GPT: variants seen among roughly 807,000 people sequenced by gnomAD.
The protein encoded by GPT is alanine aminotransferase 1.
In GPT, 60 loss-of-function variants were observed where a neutral mutation model predicts 51.4. That is an observed-to-expected ratio of 1.17 (90% CI 0.95 to 1.45). The LOEUF is 1.45. Among genes scored for constraint, GPT ranks in the 40% most tolerant of loss-of-function variants. The pLI is 0.00. For missense variants in GPT, 853 were observed against 704.0 expected (o/e 1.21, Z -2.40); for synonymous variants, 397 against 303.1 (o/e 1.31, Z -3.22).
At position 144,506,016 on chromosome 8, in the gene GPT, G is replaced by A. The variant is rs370395815; in HGVS notation, c.841G>A (p.Ala281Thr). 2.5e-6 allele frequency: 4 copies of A among 1,612,394 alleles called. No homozygotes were observed. Among genetic ancestry groups the A allele is most frequent in the Non-Finnish European group, 3.4e-6 (4 of 1,179,686 alleles). Reference sequence around the variant, plus strand: ...CCAGGTGTACCAGGACAACGTGTACGCCGCGGGTTCGCAGTTCCACTCATT... The same window carrying A: ...CCAGGTGTACCAGGACAACGTGTACACCGCGGGTTCGCAGTTCCACTCATT... ...ADEVYQDNVYAAGSQFHSFKK... is the reference protein window; with the variant it reads ...ADEVYQDNVYTAGSQFHSFKK... Residue 281 changes from alanine to threonine, a missense_variant, in exon 7 of 11, where the codon GCC becomes ACC. Coordinates refer to ENST00000394955, the MANE Select transcript of GPT (RefSeq NM_005309.3). This position sits in a 1 kb window ranked among gnomAD's most constrained non-coding sequence, Gnocchi z 7.0.
At chr8:144,505,525 G>T (rs777983501) in intron 5 of GPT, 36 bp downstream of exon 5, 2 of 1,192,118 alleles carry the variant, frequency 1.7e-6, no homozygotes, top group African/African-American at 6.2e-5. Context: ...CTCCCCCCGC[G>T]CCCACGTTGC....
chr8:144,505,455 T>A lies in GPT; in HGVS notation c.705T>A (p.Arg235=). 6.3e-7 allele frequency: 1 copy of A among 1,595,592 alleles called. No individual in the cohort carries two copies. The highest frequency in any genetic ancestry group is 2.3e-5 in the East Asian group (1 of 44,136). The change falls in exon 5 of 11, where the codon CGT becomes CGA. Residue 235 remains arginine (R), a synonymous_variant. Coordinates refer to ENST00000394955, the MANE Select transcript of GPT (RefSeq NM_005309.3). ...AGGCGCGTGACCACTGCCGCCCTCG[T>A]GCGCTCTGTGTCATCAACCCTGGCA... ...LGQARDHCRP[R]ALCVINPGNP... is the part of the protein sequence containing the mutation.
chr8:144,504,234 C>T lies in GPT; in HGVS notation c.-71C>T. The T allele has an allele frequency of 1.3e-6, 2 of 1,541,092 alleles. No individual in the cohort carries two copies. Among genetic ancestry groups the T allele is most frequent in the Non-Finnish European group, 1.8e-6 (2 of 1,138,774 alleles). On this transcript the variant is annotated 5_prime_UTR_variant, in exon 1 of 11. Transcript: ENST00000394955. ...CAGCCCTGGCCCACTAAGCCAGACCCAGCTGTCGCCATTCCCACTTCTGGT... is the reference window on the plus strand; with the variant it reads ...CAGCCCTGGCCCACTAAGCCAGACCTAGCTGTCGCCATTCCCACTTCTGGT...
chr8:144,505,185 G>C lies in GPT; in HGVS notation c.495+54G>C, dbSNP rs1826729882. ...CCTGACACTGCAGAGGGGGCGCCCA[G>C]GGTGGGGGACAGGTGCGGCCCCAGG... On this transcript the variant is annotated intron_variant, in intron 4 of 10. Coordinates refer to ENST00000394955, the MANE Select transcript of GPT (RefSeq NM_005309.3). The C allele has an allele frequency of 1.2e-6, 2 of 1,612,544 alleles. 1 individual carries two copies. Among genetic ancestry groups the C allele is most frequent in the South Asian group, 2.2e-5 (2 of 91,082 alleles).
At position 144,504,755 on chromosome 8, in the gene GPT, C is replaced by T. The variant is rs1586772302; in HGVS notation, c.253-16C>T. 1.2e-6 allele frequency: 2 copies of T among 1,612,804 alleles called. No individual in the cohort carries two copies. Among genetic ancestry groups the T allele is most frequent in the African/African-American group, 1.3e-5 (1 of 75,034 alleles). On this transcript the variant is annotated splice_polypyrimidine_tract_variant and intron_variant, in intron 2 of 10. Coordinates refer to ENST00000394955, the MANE Select transcript of GPT (RefSeq NM_005309.3). ...CCCAGCCCATGTGCCCTGGCCTCAG[C>T]ACTCCGTCTTCCCAGGTCTTGGCCC...
Position 144,507,114 on chromosome 8 carries a change from G to GGGGGGGGGGGGGGGGGCCC in GPT, c.*114_*115insGGGGGGGGGGGGGGGGCCC. ...TGCCTGGCGGGGTGGGGTGGGGGGG[G>GGGGGGGGGGGGGGGGGCCC]TGCTGGGCCCCTGCCTCTCTGCAGG... On this transcript the variant is annotated 3_prime_UTR_variant, in exon 11 of 11. Transcript: ENST00000394955. 6.0e-6 allele frequency: 3 copies of GGGGGGGGGGGGGGGGGCCC among 498,332 alleles called. No homozygotes were observed. Among genetic ancestry groups the GGGGGGGGGGGGGGGGGCCC allele is most frequent in the Admixed American group, 2.3e-5 (1 of 43,706 alleles). The allele number at this position is 498,332 out of a possible 1,614,324, so 30.9% of individuals were successfully genotyped here.
At chr8:144,503,544 C>T (rs1441235843), upstream of GPT, among the ~76,000 whole-genome samples, 2 of 152,088 alleles carry the variant, frequency 1.3e-5, no homozygotes, top group Admixed American at 6.5e-5. Context: ...CAGCCCCCTC[C>T]CCCAGCCCCT....
At chr8:144,504,726 C>T (rs757128853) in intron 2 of GPT, 33 bp downstream of exon 2, 20 of 1,611,592 alleles carry the variant, frequency 1.2e-5, no homozygotes, top group African/African-American at 4.0e-5. Flanking sequence ...AGCACCCCCC[C>T]ACCCCCAGCC....
At position 144,506,186 on chromosome 8, in the gene GPT, C is replaced by G; in HGVS notation, c.957-46C>G. The G allele has an allele frequency of 6.2e-7, 1 of 1,601,522 alleles. No homozygotes were observed. Among genetic ancestry groups the G allele is most frequent in the South Asian group, 1.1e-5 (1 of 90,066 alleles). ...GCGGGCCATGGCCAGGCCCTCCTCG[C>G]CCGATGGGCCACCCCCTCCTCCGCA... is the stretch of plus-strand genomic sequence containing the variant. On this transcript the variant is annotated intron_variant, in intron 7 of 10. Coordinates refer to ENST00000394955, the MANE Select transcript of GPT (RefSeq NM_005309.3). This position sits in a 1 kb window ranked among gnomAD's most constrained non-coding sequence, Gnocchi z 7.0.
chr8:144,504,061 C>T, upstream of GPT: 1 of 576,076 alleles, frequency 1.7e-6, no homozygotes, highest in East Asian at 2.9e-5. Context: ...GCCTCTGCCT[C>T]CCTGGGGCAG....
Position 144,505,064 on chromosome 8 carries a change from G to T in GPT, c.428G>T (p.Arg143Leu), listed in dbSNP as rs146211713. The change falls in exon 4 of 11, where the codon CGT becomes CTT. Residue 143 changes from arginine (R) to leucine (L), a missense_variant. Coordinates refer to ENST00000394955, the MANE Select transcript of GPT (RefSeq NM_005309.3). Reference protein sequence around the residue: ...REDVARYIERRDGGIPADPNN... With the variant: ...REDVARYIERLDGGIPADPNN... ...GACGTGGCGCGGTACATTGAGAGGC[G>T]TGACGGAGGCATCCCTGCGGACCCC... 1.2e-6 allele frequency: 2 copies of T among 1,613,188 alleles called. No individual in the cohort carries two copies. The highest frequency in any genetic ancestry group is 1.7e-6 in the Non-Finnish European group (2 of 1,180,006).
At position 144,506,250 on chromosome 8, in the gene GPT, CTATGTGGAGGTG is replaced by C; in HGVS notation, c.976_987del (p.Tyr326_Val329del). On this transcript the variant is annotated inframe_deletion, in exon 8 of 11. Transcript: ENST00000394955. The surrounding 1 kb of genome is among the most constrained non-coding windows in gnomAD (Gnocchi z 7.0). Reference sequence around the variant, plus strand: ...TGCGCAGGTGCGGGTTCCGCGGCGGCTATGTGGAGGTGGTGAACATGGACGCTGCAGTGCAGC... The same window carrying C: ...TGCGCAGGTGCGGGTTCCGCGGCGGCGTGAACATGGACGCTGCAGTGCAGC... The C allele has an allele frequency of 6.8e-6, 11 of 1,607,024 alleles. No homozygotes were observed. The highest frequency in any genetic ancestry group is 9.3e-6 in the Non-Finnish European group (11 of 1,179,050).
chr8:144,503,324 C>T (rs1826624180), upstream of GPT, among the ~76,000 whole-genome samples: 1 of 152,170 alleles, frequency 6.6e-6, no homozygotes, highest in African/African-American at 2.4e-5. Flanking sequence ...CCTTTCAGCT[C>T]AGCAGGCCTG....
In GPT at chr8:144,504,605, G is replaced by A; in HGVS notation, c.164G>A (p.Gly55Asp). The A allele has an allele frequency of 6.2e-7, 1 of 1,612,956 alleles. No individual in the cohort carries two copies. Among genetic ancestry groups the A allele is most frequent in the South Asian group, 1.1e-5 (1 of 91,090 alleles). The part of the protein sequence containing the change: ...ALELEQELRQ[G>D]VKKPFTEVIR... The stretch of plus-strand genomic sequence containing the variant: ...CTGCCTGCTCCCCTCCCCTCCCAGG[G>A]TGTGAAGAAGCCTTTCACCGAGGTC... The change falls in exon 2 of 11, where the codon GGT becomes GAT. Residue 55 changes from glycine to aspartate, a missense_variant and splice_region_variant. Transcript: ENST00000394955.
intron 5 of GPT, 53 bp from the exon 6 acceptor site, chr8:144,505,795 G>C: frequency 6.6e-7 from 1 of 1,516,586 alleles, no homozygotes; most frequent in Non-Finnish European, 8.9e-7. Context: ...GCCCAGCGGA[G>C]GGCAGTGCGC....
At position 144,506,490 on chromosome 8, in the gene GPT, C is replaced by T. The variant is rs751337590; in HGVS notation, c.1132-11C>T. On this transcript the variant is annotated splice_polypyrimidine_tract_variant and intron_variant, in intron 8 of 10. Coordinates refer to ENST00000394955, the MANE Select transcript of GPT (RefSeq NM_005309.3). The surrounding 1 kb of genome is among the most constrained non-coding windows in gnomAD (Gnocchi z 7.0). ...GCCGTGCCCTGATGGGCCCTCCCTCCGCGGCCACAGGAGAAGCAGGCAGTG... is the reference window on the plus strand; with the variant it reads ...GCCGTGCCCTGATGGGCCCTCCCTCTGCGGCCACAGGAGAAGCAGGCAGTG... 8.4e-5 allele frequency: 134 copies of T among 1,592,974 alleles called. No individual in the cohort carries two copies. In the South Asian group the frequency reaches 1.3e-3, roughly 16 times the overall value.
intron 5 of GPT, 45 bp from the exon 6 acceptor site, chr8:144,505,803 C>T (rs1419308479): frequency 1.4e-5 from 21 of 1,514,280 alleles, no homozygotes; most frequent in Non-Finnish European, 1.7e-5. Flanking sequence ...GAGGGCAGTG[C>T]GCCCCCTTGG....
rs1269159808 is a variant in GPT at position 144,506,829 on chromosome 8, C to A, written c.1386C>A (p.Gly462=). Residue 462 remains glycine, a synonymous_variant, in exon 10 of 11, where the codon GGC becomes GGA. Transcript: ENST00000394955. The surrounding 1 kb of genome is among the most constrained non-coding windows in gnomAD (Gnocchi z 7.0). ...VPGSGFGQRE[G]TYHFRMTILP... ...GGAGCGGCTTTGGGCAGCGGGAAGG[C>A]ACCTACCACTTCCGGTGAGGCCTGG... The A allele has an allele frequency of 6.2e-7, 1 of 1,612,606 alleles. No homozygotes were observed. Among genetic ancestry groups the A allele is most frequent in the African/African-American group, 1.3e-5 (1 of 74,922 alleles).
rs1826751811 is a variant in GPT at position 144,505,472 on chromosome 8, A to G, written c.722A>G (p.Asn241Ser). ...HCRPRALCVI[N>S]PGNPTGQVQT... Reference sequence around the variant, plus strand: ...CGCCCTCGTGCGCTCTGTGTCATCAACCCTGGCAACCCCACCGGTGCGTTC... The same window carrying G: ...CGCCCTCGTGCGCTCTGTGTCATCAGCCCTGGCAACCCCACCGGTGCGTTC... The change falls in exon 5 of 11, where the codon AAC (asparagine) becomes AGC (serine). Residue 241 changes from asparagine (N) to serine (S), a missense_variant. By Grantham distance (46) the Asn-to-Ser change is conservative (BLOSUM62 1). Transcript: ENST00000394955. 6.3e-7 allele frequency: 1 copy of G among 1,588,358 alleles called. No homozygotes were observed. The highest frequency in any genetic ancestry group is 1.8e-5 in the Admixed American group (1 of 57,032).
Sources: allele counts gnomAD v4.1 joint callset (sites outside exome capture counted in the v4.1 genomes callset), GRCh38; gene constraint gnomAD v4.1.1; non-coding constraint Gnocchi (gnomAD v3.1); transcripts MANE v1.5; gene names NCBI Gene and HGNC (gene_info 2026-07-23, HGNC 2026-07-21).